Variants in AGBL4 observed in about 807,000 individuals in gnomAD.
AGBL4 encodes the protein cytosolic carboxypeptidase 6.
Under a neutral mutation model 66.4 loss-of-function variants are expected in AGBL4, and 58 were observed. The ratio of observed to expected loss-of-function variants is 0.87; its 90% CI spans 0.71 to 1.09. The LOEUF (loss-of-function observed/expected upper bound fraction) is 1.09. AGBL4 is among the 50% of genes least tolerant of loss of function. The pLI is 0.00. For missense variants in AGBL4, 579 were observed against 631.0 expected (o/e 0.92, Z 0.88); for synonymous variants, 234 against 222.9 (o/e 1.05, Z -0.44).
rs972330139 is a variant in AGBL4 at position 49,731,378 on chromosome 1, T to C, written c.158-33941A>G. Among the ~76,000 whole-genome samples the C allele has an allele frequency of 2.6e-5, 4 of 152,338 alleles. No individual in the cohort carries two copies. The South Asian group carries it at 8.3e-4, about 32-fold the overall frequency. ...CCTGACTGATATAGTGAGATTGTTT[T>C]GTAAAACATAAAGCACTGTACAAAG... On this transcript the variant is annotated intron_variant, in intron 2 of 13. Transcript: ENST00000371839.
chr1:48,745,734 C>T (rs1650633738), intron 6 of AGBL4, among the ~76,000 whole-genome samples: 1 of 152,130 alleles, frequency 6.6e-6, no homozygotes, highest in Admixed American at 6.5e-5. Context: ...TTATCTCTAG[C>T]CCTTGGCTTG....
chr1:48,638,456 T>C (rs1645703255), intron 8 of AGBL4, among the ~76,000 whole-genome samples: 1 of 152,262 alleles, frequency 6.6e-6, no homozygotes, highest in African/African-American at 2.4e-5. Context: ...TTAATGTCTA[T>C]AAATGGACCA....
chr1:49,766,537 C>G (rs1388583254), intron 2 of AGBL4, among the ~76,000 whole-genome samples: 1 of 151,978 alleles, frequency 6.6e-6, no homozygotes, highest in Non-Finnish European at 1.5e-5. Flanking sequence ...AACAAAACAA[C>G]CAGCTAACAA....
At chr1:49,290,873 A>G (rs1416570634) in intron 3 of AGBL4, among the ~76,000 whole-genome samples, 1 of 152,208 alleles carries the variant, frequency 6.6e-6, no homozygotes, top group Non-Finnish European at 1.5e-5. Flanking sequence ...AGCCAAGCAT[A>G]GTAGCACATG....
At chr1:49,860,908 T>C (rs995946611) in intron 1 of AGBL4, among the ~76,000 whole-genome samples, 1 of 152,034 alleles carries the variant, frequency 6.6e-6, no homozygotes, top group Admixed American at 6.5e-5. Flanking sequence ...ACTGAAGAGA[T>C]CACAAAAACA....
intron 2 of AGBL4, among the ~76,000 whole-genome samples, chr1:49,700,287 T>TA (rs1647063275): frequency 7.0e-6 from 1 of 142,626 alleles, no homozygotes; most frequent in Admixed American, 7.4e-5. Context: ...CAAGAACATA[T>TA]AAAAACATTA....
At chr1:49,258,715 A>C (rs939806542) in intron 3 of AGBL4, among the ~76,000 whole-genome samples, 1 of 152,246 alleles carries the variant, frequency 6.6e-6, no homozygotes, top group Non-Finnish European at 1.5e-5. Context: ...GAATGGAACC[A>C]AGTTGGAAAA....
chr1:48,702,847 A>C (rs948603704), intron 6 of AGBL4, among the ~76,000 whole-genome samples: 10 of 152,194 alleles, frequency 6.6e-5, no homozygotes, highest in African/African-American at 2.4e-4. Context: ...TTGACCCTGG[A>C]GTAAAACCAA....
intron 1 of AGBL4, among the ~76,000 whole-genome samples, chr1:49,941,792 A>T (rs1654783874): frequency 6.6e-6 from 1 of 152,106 alleles, no homozygotes; most frequent in Admixed American, 6.6e-5. Context: ...CAACAGAGAA[A>T]AATTGAAAGC....
chr1:49,038,471 A>C (rs1211374089), intron 5 of AGBL4, among the ~76,000 whole-genome samples: 1 of 152,098 alleles, frequency 6.6e-6, no homozygotes, highest in African/African-American at 2.4e-5. Flanking sequence ...TTAAAATAGG[A>C]AAGAAAAAAC....
At chr1:48,668,322 A>G (rs564368601) in intron 6 of AGBL4, among the ~76,000 whole-genome samples, 1 of 152,232 alleles carries the variant, frequency 6.6e-6, no homozygotes, top group South Asian at 2.1e-4. Context: ...CTCTGCCTGG[A>G]TACCAAAATG....
chr1:49,012,858 G>A (rs1360791175), intron 5 of AGBL4, among the ~76,000 whole-genome samples: 1 of 152,214 alleles, frequency 6.6e-6, no homozygotes, highest in Admixed American at 6.5e-5. Context: ...GGTGGGACCT[G>A]TAAGAGATAA....
At chr1:49,299,362 C>T (rs942229841) in intron 3 of AGBL4, among the ~76,000 whole-genome samples, 3 of 152,282 alleles carry the variant, frequency 2.0e-5, no homozygotes, top group African/African-American at 4.8e-5. Context: ...GATCTGATTA[C>T]GTAGCCTTTA....
At chr1:49,337,127 C>T (rs531601028) in intron 3 of AGBL4, among the ~76,000 whole-genome samples, 96 of 152,232 alleles carry the variant, frequency 6.3e-4, no homozygotes, top group African/African-American at 2.3e-3. Flanking sequence ...AAAATTCTAC[C>T]TTGTAAGGCT....
intron 3 of AGBL4, among the ~76,000 whole-genome samples, chr1:49,690,522 C>T (rs116625961): frequency 0.018 from 2,729 of 152,264 alleles, 34 homozygotes; most frequent in Non-Finnish European, 0.03. Context: ...GTTATTCATC[C>T]TTTCTTTGTC....
At chr1:49,112,476 C>T (rs936009998) in intron 4 of AGBL4, among the ~76,000 whole-genome samples, 31 of 152,172 alleles carry the variant, frequency 2.0e-4, no homozygotes, top group African/African-American at 7.0e-4. Context: ...AACTTTGCTG[C>T]ATCAATTGAC....
chr1:49,291,648 G>A lies in AGBL4; in HGVS notation c.283-45784C>T, dbSNP rs530389471. On this transcript the variant is annotated intron_variant, in intron 3 of 13. Transcript: ENST00000371839. ...TTGCAATCTTAGAGAGTATTAATTG[G>A]AAGAAGAAACCAGGGAGTCTTCTGC... 2.4e-4 allele frequency among the ~76,000 whole-genome samples: 36 copies of A among 152,310 alleles called. 1 individual carries two copies. The South Asian group carries it at 7.5e-3, about 32-fold the overall frequency.
chr1:49,223,994 G>A (rs1649703599), intron 4 of AGBL4, among the ~76,000 whole-genome samples: 1 of 152,124 alleles, frequency 6.6e-6, no homozygotes, highest in South Asian at 2.1e-4. Context: ...GTGGTCCTGG[G>A]CTTAATTGGA....
chr1:49,937,472 G>C (rs1222550739), intron 1 of AGBL4, among the ~76,000 whole-genome samples: 2 of 151,990 alleles, frequency 1.3e-5, no homozygotes, highest in African/African-American at 2.4e-5. Context: ...ATTGAACTCA[G>C]CTCTGCACCA....
Sources: allele counts gnomAD v4.1 joint callset (sites outside exome capture counted in the v4.1 genomes callset), GRCh38; gene constraint gnomAD v4.1.1; transcripts MANE v1.5; gene names NCBI Gene and HGNC (gene_info 2026-07-23, HGNC 2026-07-21).